Variants in ZCWPW2 observed in about 807,000 individuals in gnomAD.
The protein encoded by ZCWPW2 is zinc finger CW-type PWWP domain protein 2.
ZCWPW2 carries 45 observed loss-of-function variants against 46.6 expected under a neutral mutation model. That is an observed-to-expected ratio of 0.96 (90% CI 0.76 to 1.24). The LOEUF (loss-of-function observed/expected upper bound fraction) is 1.24. Among genes scored for constraint, ZCWPW2 ranks in the 50% most tolerant of loss-of-function variants. The pLI, the probability that ZCWPW2 is intolerant of heterozygous loss-of-function variation, is 0.00. For synonymous variants in ZCWPW2, 152 were observed against 137.1 expected, an observed-to-expected ratio of 1.11 and a Z score of -0.76; for missense variants, 429 against 403.9, an observed-to-expected ratio of 1.06 and a Z score of -0.53.
At chr3:28,435,059 G>A (rs1697425717) in intron 3 of ZCWPW2, 51 bp from the exon 4 acceptor site, 3 of 1,592,910 alleles carry the variant, frequency 1.9e-6, no homozygotes, top group Non-Finnish European at 2.6e-6. Flanking sequence ...ACGTGTTGAT[G>A]TCTACCTTTT....
intron 4 of ZCWPW2, chr3:28,461,487 AT>A: frequency 6.6e-6 from 1 of 152,152 alleles, no homozygotes; most frequent in Non-Finnish European, 1.5e-5. Context: ...TATCACTGTA[AT>A]ACCAGGTGAT....
intron 4 of ZCWPW2, among the ~76,000 whole-genome samples, chr3:28,476,510 G>T (rs1479925063): frequency 1.3e-5 from 2 of 152,004 alleles, no homozygotes; most frequent in Non-Finnish European, 2.9e-5. Flanking sequence ...TTTTTCTCAA[G>T]AATTTTCTTT....
chr3:28,358,055 C>A (rs1704807876), intron 1 of ZCWPW2, among the ~76,000 whole-genome samples: 1 of 151,770 alleles, frequency 6.6e-6, no homozygotes, highest in African/African-American at 2.4e-5. Context: ...TATATCATTC[C>A]CTTTTGGCTT....
intron 4 of ZCWPW2, among the ~76,000 whole-genome samples, chr3:28,439,115 G>A (rs557963326): frequency 2.1e-5 from 3 of 141,626 alleles, no homozygotes; most frequent in African/African-American, 7.7e-5. Flanking sequence ...ACACACCATA[G>A]GATATATATA....
At chr3:28,455,903 G>A (rs1272168299) in intron 4 of ZCWPW2, among the ~76,000 whole-genome samples, 1 of 152,126 alleles carries the variant, frequency 6.6e-6, no homozygotes, top group Non-Finnish European at 1.5e-5. Flanking sequence ...AGTATAATTT[G>A]AAGTCAGGTA....
intron 3 of ZCWPW2, among the ~76,000 whole-genome samples, chr3:28,432,609 A>G (rs1310527777): frequency 6.6e-6 from 1 of 152,140 alleles, no homozygotes; most frequent in Non-Finnish European, 1.5e-5. Context: ...CACTTAGTTG[A>G]TATATAAGTG....
At chr3:28,480,411 T>A (rs1159169072) in intron 5 of ZCWPW2, among the ~76,000 whole-genome samples, 4 of 150,216 alleles carry the variant, frequency 2.7e-5, no homozygotes, top group Non-Finnish European at 5.9e-5. Context: ...TTTTAATGGT[T>A]TTTTTTTTCT....
chr3:28,363,128 C>T (rs970207846), intron 1 of ZCWPW2, among the ~76,000 whole-genome samples: 1 of 151,850 alleles, frequency 6.6e-6, no homozygotes, highest in African/African-American at 2.4e-5. Flanking sequence ...TGCTTAGTAC[C>T]CGGCTGAGGA....
chr3:28,517,508 C>T (rs1241238677), intron 8 of ZCWPW2, among the ~76,000 whole-genome samples: 2 of 152,130 alleles, frequency 1.3e-5, no homozygotes, highest in Non-Finnish European at 2.9e-5. Flanking sequence ...TGAGAACTCA[C>T]TCACTATCAC....
intron 6 of ZCWPW2, among the ~76,000 whole-genome samples, chr3:28,505,310 G>A (rs1700246929): frequency 6.6e-6 from 1 of 152,158 alleles, no homozygotes; most frequent in African/African-American, 2.4e-5. Flanking sequence ...CTTATTGCCA[G>A]GGACTGGTCT....
intron 4 of ZCWPW2, among the ~76,000 whole-genome samples, chr3:28,443,258 A>G (rs1697842023): frequency 1.3e-5 from 2 of 152,138 alleles, no homozygotes; most frequent in Admixed American, 1.3e-4. Flanking sequence ...TCCAGTGCAC[A>G]GTTACCCAGG....
chr3:28,491,220 A>G (rs1177835170), intron 5 of ZCWPW2, among the ~76,000 whole-genome samples: 1 of 152,096 alleles, frequency 6.6e-6, no homozygotes, highest in African/African-American at 2.4e-5. Flanking sequence ...AGAAAGAGGG[A>G]TCATCTTAAA....
chr3:28,413,312 TC>T lies in ZCWPW2; in HGVS notation c.245del (p.Ser82PhefsTer23). 1 of 1,613,196 alleles carries T rather than the reference TC, an allele frequency of 6.2e-7. No homozygotes were observed. The highest frequency in any genetic ancestry group is 8.5e-7 in the Non-Finnish European group (1 of 1,179,454). On this transcript the variant is annotated frameshift_variant, in exon 3 of 10. Transcript: ENST00000383768. LOFTEE classifies it high-confidence loss of function. ...SISEEDFPEE[S>X]QLHQCGFKIV... ...TTCTGAAGAAGACTTCCCTGAAGAG[TC>T]TCAGCTTCATCAGTGTGGATTTAAG...
At chr3:28,359,117 T>G (rs1056278314) in intron 1 of ZCWPW2, among the ~76,000 whole-genome samples, 3 of 152,114 alleles carry the variant, frequency 2.0e-5, no homozygotes, top group African/African-American at 7.2e-5. Context: ...TATCCTTTAC[T>G]TGTATTTTTA....
At chr3:28,443,049 G>A (rs926272962) in intron 4 of ZCWPW2, among the ~76,000 whole-genome samples, 1 of 152,084 alleles carries the variant, frequency 6.6e-6, no homozygotes, top group Admixed American at 6.6e-5. Context: ...ATGCATTCTG[G>A]CACTGGGGAA....
intron 4 of ZCWPW2, among the ~76,000 whole-genome samples, chr3:28,437,925 GTA>G: frequency 6.6e-6 from 1 of 152,250 alleles, no homozygotes; most frequent in Non-Finnish European, 1.5e-5. Context: ...TCTGTCTAAT[GTA>G]ACTATTTTTG....
intron 4 of ZCWPW2, among the ~76,000 whole-genome samples, chr3:28,464,595 T>A (rs1236796143): frequency 6.6e-6 from 1 of 152,152 alleles, no homozygotes; most frequent in Non-Finnish European, 1.5e-5. Flanking sequence ...ATATATTTTC[T>A]GCAATTTCTT....
intron 4 of ZCWPW2, chr3:28,447,710 C>T (rs980929930): frequency 1.8e-6 from 1 of 546,488 alleles, no homozygotes; most frequent in Admixed American, 2.2e-5. Flanking sequence ...CGAACGTTGT[C>T]TAGAGGCACT....
chr3:28,519,438 G>A (rs2125837988), intron 8 of ZCWPW2, among the ~76,000 whole-genome samples: 1 of 152,228 alleles, frequency 6.6e-6, no homozygotes, highest in Non-Finnish European at 1.5e-5. Context: ...ATGAACTTGT[G>A]TTATGAAAAA....
Sources: allele counts gnomAD v4.1 joint callset (sites outside exome capture counted in the v4.1 genomes callset), GRCh38; gene constraint gnomAD v4.1.1; transcripts MANE v1.5; gene names NCBI Gene and HGNC (gene_info 2026-07-23, HGNC 2026-07-21).